TECPR2: variants seen among roughly 807,000 people sequenced by gnomAD.
The protein encoded by TECPR2 is tectonin beta-propeller repeat containing 2.
TECPR2 carries 65 observed loss-of-function variants against 138.1 expected under a neutral mutation model. The observed-to-expected ratio is 0.47, with a 90% CI of 0.39 to 0.58. The LOEUF is 0.58. Ranked by LOEUF, TECPR2 falls within the 20% of genes least tolerant of loss-of-function variation. The pLI is 0.00. For synonymous variants in TECPR2, 746 were observed against 749.8 expected, an observed-to-expected ratio of 0.99 and a Z score of 0.08; for missense variants, 1,553 against 1,824.5, an observed-to-expected ratio of 0.85 and a Z score of 2.71.
intron 1 of TECPR2, among the ~76,000 whole-genome samples, chr14:102,375,251 C>T (rs1887614556): frequency 6.6e-6 from 1 of 151,442 alleles, no homozygotes; most frequent in Admixed American, 6.6e-5. Flanking sequence ...GAGGTGGAGG[C>T]AGGAGGTTCA....
chr14:102,420,403 A>G lies in TECPR2; in HGVS notation c.639-4576A>G, dbSNP rs1420486132. ...GTGGCTGAGTCGGGGGCTTAGGACA[A>G]TTTGTACCTGGCTCTAGCTGGTTCT... On this transcript the variant is annotated intron_variant, in intron 5 of 19. Transcript: ENST00000359520. The surrounding 1 kb of genome is among the most constrained non-coding windows in gnomAD (Gnocchi z 4.1). Among the ~76,000 whole-genome samples the G allele has an allele frequency of 6.6e-6, 1 of 152,118 alleles. No individual in the cohort carries two copies. The highest frequency in any genetic ancestry group is 2.4e-5 in the African/African-American group (1 of 41,420).
intron 16 of TECPR2, among the ~76,000 whole-genome samples, chr14:102,458,758 G>A (rs779361819): frequency 3.3e-5 from 5 of 151,670 alleles, no homozygotes; most frequent in African/African-American, 7.3e-5. Context: ...AGTTGAGATC[G>A]CACCTCCCCA....
intron 8 of TECPR2, among the ~76,000 whole-genome samples, chr14:102,433,507 TTTATTTA>T (rs1889568314): frequency 6.7e-6 from 1 of 149,006 alleles, no homozygotes; most frequent in African/African-American, 2.5e-5. Flanking sequence ...TATTTATTTA[TTTATTTA>T]TTTATTTATT....
Position 102,499,280 on chromosome 14 carries a change from C to A in TECPR2, c.*1023C>A. On this transcript the variant is annotated 3_prime_UTR_variant, in exon 20 of 20. Coordinates refer to ENST00000359520, the MANE Select transcript of TECPR2 (RefSeq NM_014844.5). ...AATGCTGCTGGCGGACATCCTAAAA[C>A]CAGATGCATCCTCAGAGGACGAGTC... 1.6e-6 allele frequency: 1 copy of A among 642,008 alleles called. No individual in the cohort carries two copies. Among genetic ancestry groups the A allele is most frequent in the Non-Finnish European group, 2.9e-6 (1 of 349,548 alleles). 39.8% of individuals were successfully genotyped at this position (642,008 alleles called of 1,614,324 possible).
intron 4 of TECPR2, among the ~76,000 whole-genome samples, chr14:102,410,746 A>T (rs1407268892): frequency 6.6e-6 from 1 of 151,552 alleles, no homozygotes; most frequent in Non-Finnish European, 1.5e-5. Flanking sequence ...CTGTCTAGTC[A>T]TATTCCTATT....
At chr14:102,462,482 GA>G (rs1158827418) in intron 16 of TECPR2, among the ~76,000 whole-genome samples, 1 of 152,210 alleles carries the variant, frequency 6.6e-6, no homozygotes, top group East Asian at 1.9e-4. Flanking sequence ...GTGTAGCAGT[GA>G]ATGAATAGCT....
At chr14:102,452,673 A>G (rs986681293) in intron 16 of TECPR2, 46 bp downstream of exon 16, 1 of 1,471,334 alleles carries the variant, frequency 6.8e-7, no homozygotes, top group Non-Finnish European at 9.3e-7. Flanking sequence ...TGACTGCCCT[A>G]AACCGGCATC....
At chr14:102,495,054 A>G (rs1242175354) in intron 17 of TECPR2, among the ~76,000 whole-genome samples, 1 of 152,140 alleles carries the variant, frequency 6.6e-6, no homozygotes. Flanking sequence ...GTCTACAACA[A>G]AATACAAAAA....
At chr14:102,425,356 G>C (rs940919628) in intron 6 of TECPR2, 65 bp downstream of exon 6, 10 of 1,486,682 alleles carry the variant, frequency 6.7e-6, no homozygotes, top group Non-Finnish European at 8.1e-6. Flanking sequence ...TCTATAAACT[G>C]TTCTACTCAG....
chr14:102,404,321 T>C (rs1453747225), intron 2 of TECPR2, among the ~76,000 whole-genome samples: 2 of 152,084 alleles, frequency 1.3e-5, no homozygotes, highest in Non-Finnish European at 2.9e-5. Flanking sequence ...AATATAAAAA[T>C]TTATTCTAAA....
intron 13 of TECPR2, 38 bp from the exon 14 acceptor site, chr14:102,449,591 C>G: frequency 6.2e-7 from 1 of 1,610,610 alleles, no homozygotes; most frequent in Non-Finnish European, 8.5e-7. Context: ...CTTGTAACTG[C>G]TCTGACAGCA....
chr14:102,490,745 G>T (rs953969567), intron 17 of TECPR2, among the ~76,000 whole-genome samples: 1 of 152,180 alleles, frequency 6.6e-6, no homozygotes, highest in African/African-American at 2.4e-5. Context: ...GCCTCTTAGG[G>T]CCTGCCTGTA....
intron 2 of TECPR2, among the ~76,000 whole-genome samples, chr14:102,380,483 A>G (rs1887772969): frequency 6.6e-6 from 1 of 152,202 alleles, no homozygotes; most frequent in African/African-American, 2.4e-5. Flanking sequence ...GGTGGAAGGC[A>G]CCTCTTCACA....
intron 1 of TECPR2, among the ~76,000 whole-genome samples, chr14:102,375,612 G>A (rs888516184): frequency 6.6e-6 from 1 of 152,156 alleles, no homozygotes. Context: ...AAAACCTACA[G>A]TTCAAAGAGA....
intron 2 of TECPR2, among the ~76,000 whole-genome samples, chr14:102,399,295 GA>G (rs1888405795): frequency 6.6e-6 from 1 of 152,246 alleles, no homozygotes; most frequent in Non-Finnish European, 1.5e-5. Flanking sequence ...ACAAAGTTTG[GA>G]GGCAAGAATA....
chr14:102,461,520 A>T (rs1370517006), intron 16 of TECPR2, among the ~76,000 whole-genome samples: 2 of 151,860 alleles, frequency 1.3e-5, no homozygotes, highest in Non-Finnish European at 2.9e-5. Flanking sequence ...ATTTTTTTAA[A>T]ACAAGAGAAA....
rs147803710 is a variant in TECPR2 at position 102,369,011 on chromosome 14, A to G, written c.-73+5895A>G. On this transcript the variant is annotated intron_variant, in intron 1 of 19. Coordinates refer to ENST00000359520, the MANE Select transcript of TECPR2 (RefSeq NM_014844.5). Reference sequence around the variant, plus strand: ...CTGCCGGACAATTGTGACAGTTTCTAATACCTGCTGGAGCCTAGCAAGGGC... The same window carrying G: ...CTGCCGGACAATTGTGACAGTTTCTGATACCTGCTGGAGCCTAGCAAGGGC... Among the ~76,000 whole-genome samples, 7 of 152,300 alleles carry G rather than the reference A, an allele frequency of 4.6e-5. No homozygotes were observed. The East Asian group carries it at 1.4e-3, about 29-fold the overall frequency.
At chr14:102,389,640 A>G (rs991253672) in intron 2 of TECPR2, among the ~76,000 whole-genome samples, 2 of 152,162 alleles carry the variant, frequency 1.3e-5, no homozygotes, top group African/African-American at 4.8e-5. Flanking sequence ...GAAAAATGAA[A>G]CTGGATCCCT....
At chr14:102,483,515 C>T (rs899129404) in intron 17 of TECPR2, among the ~76,000 whole-genome samples, 1 of 152,080 alleles carries the variant, frequency 6.6e-6, no homozygotes, top group Non-Finnish European at 1.5e-5. Context: ...AATCACAGCT[C>T]ATTGTAGCTT....
Sources: allele counts gnomAD v4.1 joint callset (sites outside exome capture counted in the v4.1 genomes callset), GRCh38; gene constraint gnomAD v4.1.1; non-coding constraint Gnocchi (gnomAD v3.1); transcripts MANE v1.5; gene names NCBI Gene and HGNC (gene_info 2026-07-23, HGNC 2026-07-21).